RAB11B: variants seen among roughly 807,000 people sequenced by gnomAD.
RAB11B encodes the protein RAB11B, member RAS oncogene family, also known as ras-related protein Rab-11B.
RAB11B carries 7 observed loss-of-function variants against 23.7 expected under a neutral mutation model. The ratio of observed to expected loss-of-function variants is 0.29; its 90% CI spans 0.17 to 0.55. RAB11B has a LOEUF of 0.55. Among genes scored for constraint, RAB11B ranks in the 20% least tolerant of loss-of-function variants. RAB11B has a pLI of 0.93. For missense variants in RAB11B, 189 were observed against 320.0 expected, an observed-to-expected ratio of 0.59 and a Z score of 3.12; for synonymous variants, 138 against 132.0, an observed-to-expected ratio of 1.05 and a Z score of -0.31.
chr19:8,402,324 A>G lies in RAB11B; in HGVS notation c.430+45A>G, dbSNP rs200005415. The stretch of plus-strand genomic sequence containing the variant: ...GGCATCAGAGAGGTGTCTGGAAGGC[A>G]GGAGGCCCCTCACAGTGTTGGGGCC... On this transcript the variant is annotated intron_variant, in intron 3 of 4. Coordinates refer to ENST00000328024, the MANE Select transcript of RAB11B (RefSeq NM_004218.4). The G allele has an allele frequency of 1.0e-5, 16 of 1,533,550 alleles. No individual in the cohort carries two copies. The African/African-American group carries it at 1.9e-4, about 18-fold the overall frequency. The allele number at this position is 1,533,550 out of a possible 1,614,324, so 95.0% of individuals were successfully genotyped here.
rs554143224 is a variant in RAB11B, at chr19:8,396,652, G to A, written c.41-3211G>A. On this transcript the variant is annotated intron_variant, in intron 1 of 4. Transcript: ENST00000328024. The surrounding 1 kb of genome is among the most constrained non-coding windows in gnomAD (Gnocchi z 5.0). ...CGTGCAAAGGCCCTGAGGCAGGATC[G>A]CACCTGGCGTGTTGGGGGAACAGCA... Among the ~76,000 whole-genome samples, 1 of 148,262 alleles carries A rather than the reference G, an allele frequency of 6.7e-6. No homozygotes were observed. Among genetic ancestry groups the A allele is most frequent in the Non-Finnish European group, 1.5e-5 (1 of 66,862 alleles).
intron 1 of RAB11B, among the ~76,000 whole-genome samples, chr19:8,391,041 A>G (rs576433131): frequency 4.7e-4 from 72 of 152,144 alleles, no homozygotes; most frequent in African/African-American, 1.6e-3. Flanking sequence ...TTGGGGTGCA[A>G]AGCTGGGATT....
intron 1 of RAB11B, chr19:8,390,720 C>G (rs1971342364): frequency 3.2e-6 from 1 of 317,182 alleles, no homozygotes; most frequent in Non-Finnish European, 5.7e-6. Flanking sequence ...GGGTGGGGCC[C>G]GGAGCGGTGG....
chr19:8,402,015 C>T (rs990234944), intron 2 of RAB11B, 71 bp from the exon 3 acceptor site: 4 of 1,452,502 alleles, frequency 2.8e-6, no homozygotes, highest in African/African-American at 2.8e-5. Context: ...GTGATGTGTG[C>T]TGTTATCCCG....
chr19:8,397,072 C>T (rs1238648454), intron 1 of RAB11B, among the ~76,000 whole-genome samples: 2 of 152,156 alleles, frequency 1.3e-5, no homozygotes, highest in African/African-American at 4.8e-5. Flanking sequence ...GAGAATGACT[C>T]CAGGTTTCTG....
intron 2 of RAB11B, 113 bp downstream of exon 2, chr19:8,400,171 C>T: frequency 1.6e-6 from 2 of 1,276,042 alleles, no homozygotes; most frequent in Non-Finnish European, 1.1e-6. Flanking sequence ...AGTGTGCTCC[C>T]AAGACCAGGG....
chr19:8,402,668 T>TTTG (rs1971448209), intron 4 of RAB11B, 103 bp downstream of exon 4: 56 of 967,698 alleles, frequency 5.8e-5, no homozygotes, highest in Middle Eastern at 3.1e-4. Context: ...TTTTTTTCTT[T>TTTG]TTTTTGTCGG....
intron 1 of RAB11B, among the ~76,000 whole-genome samples, chr19:8,392,886 C>T (rs1420720233): frequency 2.0e-5 from 3 of 151,636 alleles, no homozygotes; most frequent in African/African-American, 7.3e-5. Context: ...GGGGTTTCAC[C>T]ATGTTGGCCA....
Position 8,403,758 on chromosome 19 carries a change from T to C in RAB11B, c.*200T>C. ...CGGGGAAAAGCTAGAAGCCCCGGTT[T>C]GCTGCACCCATGAAACTCGGGTCCC... On this transcript the variant is annotated 3_prime_UTR_variant, in exon 5 of 5. Coordinates refer to ENST00000328024, the MANE Select transcript of RAB11B (RefSeq NM_004218.4). The C allele has an allele frequency of 8.3e-6, 6 of 725,004 alleles. No homozygotes were observed. Among genetic ancestry groups the C allele is most frequent in the Admixed American group, 3.5e-5 (1 of 28,464 alleles). The allele number at this position is 725,004 out of a possible 1,614,324, so 44.9% of individuals were successfully genotyped here. A position where few individuals can be genotyped will look rare whatever the true frequency, so the allele number is the denominator to read the frequency against.
rs778674562 is a variant in RAB11B at position 8,402,535 on chromosome 19, G to A, written c.481G>A (p.Val161Ile). ...IETSALDSTN[V>I]EEAFKNILTE... Reference sequence around the variant, plus strand: ...GACCTCAGCCTTGGATTCCACTAACGTAGAGGAAGCATTCAAGAACATCCT... The same window carrying A: ...GACCTCAGCCTTGGATTCCACTAACATAGAGGAAGCATTCAAGAACATCCT... Residue 161 changes from valine to isoleucine, a missense_variant, in exon 4 of 5, where the codon GTA (valine) becomes ATA (isoleucine). Coordinates refer to ENST00000328024, the MANE Select transcript of RAB11B (RefSeq NM_004218.4). The A allele has an allele frequency of 4.3e-6, 7 of 1,613,880 alleles. No individual in the cohort carries two copies. The East Asian group carries it at 8.9e-5, about 21-fold the overall frequency.
chr19:8,390,404 A>C lies in RAB11B; in HGVS notation c.-13A>C. On this transcript the variant is annotated 5_prime_UTR_variant, in exon 1 of 5. Transcript: ENST00000328024. ...GCTGCGGAGTCGCCGATCCCGCCGG[A>C]AGCGCCAGGACAATGGGGACCCGGG... is the stretch of plus-strand genomic sequence containing the variant. The C allele has an allele frequency of 6.5e-7, 1 of 1,534,940 alleles. No individual in the cohort carries two copies.
At chr19:8,393,023 G>A (rs546238369) in intron 1 of RAB11B, among the ~76,000 whole-genome samples, 5 of 144,524 alleles carry the variant, frequency 3.5e-5, no homozygotes, top group East Asian at 4.0e-4. Context: ...GCCACATCAC[G>A]CACTGGCTCC....
chr19:8,400,591 T>C (rs1379159099), intron 2 of RAB11B, among the ~76,000 whole-genome samples: 1 of 20 alleles, frequency 0.05, no homozygotes, highest in Non-Finnish European at 0.12. Flanking sequence ...CCTCCTCTTG[T>C]TTTTTTTTTT....
chr19:8,391,669 A>G (rs1196103109), intron 1 of RAB11B, among the ~76,000 whole-genome samples: 3 of 152,044 alleles, frequency 2.0e-5, no homozygotes, highest in African/African-American at 4.8e-5. Context: ...GGCCTGCTCT[A>G]TGAGGGCCTG....
At chr19:8,399,333 C>A (rs2967608) in intron 1 of RAB11B, among the ~76,000 whole-genome samples, 1 of 152,074 alleles carries the variant, frequency 6.6e-6, no homozygotes, top group Non-Finnish European at 1.5e-5. Flanking sequence ...AGTGATCCGC[C>A]TGGCTCATCC....
chr19:8,390,447 C>T lies in RAB11B; in HGVS notation c.31C>T (p.Leu11=). 1 of 1,519,030 alleles carries T rather than the reference C, an allele frequency of 6.6e-7. No homozygotes were observed. Among genetic ancestry groups the T allele is most frequent in the Non-Finnish European group, 8.8e-7 (1 of 1,138,046 alleles). The allele number at this position is 1,519,030 out of a possible 1,614,324, so 94.1% of individuals were successfully genotyped here. The change falls in exon 1 of 5, where the codon CTA becomes TTA. Residue 11 remains leucine (L), a synonymous_variant. Coordinates refer to ENST00000328024, the MANE Select transcript of RAB11B (RefSeq NM_004218.4). ...GACCCGGGACGACGAGTACGACTAC[C>T]TATTCAAAGGTGCGGCCGGTGGGGC... MGTRDDEYDY[L]FKVVLIGDSG... is the part of the protein sequence containing the mutation.
chr19:8,395,459 G>T (rs1971389869), intron 1 of RAB11B, among the ~76,000 whole-genome samples: 1 of 151,990 alleles, frequency 6.6e-6, no homozygotes, highest in Non-Finnish European at 1.5e-5. Context: ...ATGTTAGTCA[G>T]GTTGGTCTCA....
At chr19:8,394,403 C>T (rs1161155217) in intron 1 of RAB11B, among the ~76,000 whole-genome samples, 1 of 152,188 alleles carries the variant, frequency 6.6e-6, no homozygotes, top group African/African-American at 2.4e-5. Context: ...GATCCACCCG[C>T]CTTGGCCTCC....
intron 1 of RAB11B, among the ~76,000 whole-genome samples, chr19:8,393,950 A>AG (rs1478917812): frequency 1.3e-5 from 2 of 152,278 alleles, no homozygotes; most frequent in Admixed American, 1.3e-4. Flanking sequence ...TGTCTGGGGT[A>AG]GGGGGGTCGC....
Sources: gnomAD v4.1 joint callset for allele counts (sites outside exome capture counted in the v4.1 genomes callset) on GRCh38, gnomAD v4.1.1 for gene constraint, Gnocchi (gnomAD v3.1) non-coding constraint, MANE v1.5 for transcripts, NCBI Gene and HGNC (gene_info 2026-07-23, HGNC 2026-07-21) for gene names.